SUCO: variants seen among roughly 807,000 people sequenced by gnomAD.
The protein encoded by SUCO is SUN domain-containing ossification factor.
A neutral mutation model predicts 148.1 loss-of-function variants in SUCO; 57 were observed. The observed-to-expected ratio is 0.38, with a 90% confidence interval of 0.31 to 0.48. The LOEUF is 0.48. SUCO is among the 20% of genes least tolerant of loss of function. The probability of loss-of-function intolerance (pLI) is 0.96; values close to 1 mark genes in which losing one functional copy is unlikely to be tolerated. For missense variants in SUCO, 1,331 were observed against 1,468.2 expected (o/e 0.91, Z 1.53); for synonymous variants, 470 against 502.7 (o/e 0.93, Z 0.87).
In SUCO at chr1:172,607,325, C is replaced by A. The variant is rs1034285808; in HGVS notation, c.3266-1422C>A. On this transcript the variant is annotated intron_variant, in intron 22 of 23. Coordinates refer to ENST00000263688, the MANE Select transcript of SUCO (RefSeq NM_014283.5). ...TTCATGTAATACCTTACATTCATGACTTGTGGTTTGTTGGGCCACCAGGTG... is the reference window on the plus strand; with the variant it reads ...TTCATGTAATACCTTACATTCATGAATTGTGGTTTGTTGGGCCACCAGGTG... 5.3e-5 allele frequency among the ~76,000 whole-genome samples: 8 copies of A among 151,842 alleles called. No individual in the cohort carries two copies. In the East Asian group the frequency reaches 1.5e-3, roughly 29 times the overall value.
intron 9 of SUCO, among the ~76,000 whole-genome samples, chr1:172,572,450 TG>T (rs1246119992): frequency 3.9e-5 from 6 of 151,950 alleles, no homozygotes; most frequent in Non-Finnish European, 8.8e-5. Context: ...CAGGGTTAAA[TG>T]GATTAAGGGT....
At chr1:172,550,043 C>T (rs769072032) in intron 1 of SUCO, among the ~76,000 whole-genome samples, 1 of 151,842 alleles carries the variant, frequency 6.6e-6, no homozygotes, top group Non-Finnish European at 1.5e-5. Flanking sequence ...GGCTGATTGC[C>T]CTCTATTCCT....
At chr1:172,534,692 T>C (rs1192630905) in intron 1 of SUCO, among the ~76,000 whole-genome samples, 2 of 152,200 alleles carry the variant, frequency 1.3e-5, no homozygotes, top group Non-Finnish European at 2.9e-5. Context: ...TTCTACTTAC[T>C]GTGTTGGGTA....
intron 16 of SUCO, 119 bp from the exon 17 acceptor site, chr1:172,585,739 C>A: frequency 4.7e-6 from 3 of 636,680 alleles, no homozygotes; most frequent in South Asian, 2.3e-5. Context: ...AAGAAAAAGT[C>A]TGCAGTAGCA....
Position 172,575,502 on chromosome 1 carries a change from T to C in SUCO, c.1158-16T>C. 1.3e-6 allele frequency: 2 copies of C among 1,538,544 alleles called. No homozygotes were observed. The highest frequency in any genetic ancestry group is 2.3e-5 in the South Asian group (2 of 88,178). On this transcript the variant is annotated splice_polypyrimidine_tract_variant and intron_variant, in intron 10 of 23. Coordinates refer to ENST00000263688, the MANE Select transcript of SUCO (RefSeq NM_014283.5). Reference sequence around the variant, plus strand: ...TTATAATTTTTAAAAAAGAACATATTGCTTATATTTTTTAGATATCCAACA... The same window carrying C: ...TTATAATTTTTAAAAAAGAACATATCGCTTATATTTTTTAGATATCCAACA...
chr1:172,535,287 A>T (rs1350011354), intron 1 of SUCO, among the ~76,000 whole-genome samples: 2 of 152,252 alleles, frequency 1.3e-5, no homozygotes, highest in African/African-American at 4.8e-5. Context: ...ACTTTAGCTT[A>T]AGAAACTATT....
intron 1 of SUCO, among the ~76,000 whole-genome samples, chr1:172,547,525 A>G (rs1321128766): frequency 1.3e-5 from 2 of 152,186 alleles, no homozygotes; most frequent in African/African-American, 4.8e-5. Context: ...CTGACTGAGA[A>G]TACCTAATCT....
intron 6 of SUCO, among the ~76,000 whole-genome samples, chr1:172,568,092 A>C (rs1398987679): frequency 1.3e-5 from 2 of 152,210 alleles, no homozygotes; most frequent in Non-Finnish European, 2.9e-5. Flanking sequence ...CCTTATGAGA[A>C]TCTAATGCCT....
At chr1:172,555,346 G>T in intron 3 of SUCO, 2 of 981,824 alleles carry the variant, frequency 2.0e-6, no homozygotes, top group Non-Finnish European at 1.2e-6. Flanking sequence ...ATATGAACAG[G>T]TGTTAGGTAG....
chr1:172,606,549 T>G (rs2149273591), intron 22 of SUCO, among the ~76,000 whole-genome samples: 1 of 151,942 alleles, frequency 6.6e-6, no homozygotes, highest in East Asian at 1.9e-4. Context: ...TTCTATTCTT[T>G]CTGCTTAATT....
intron 1 of SUCO, chr1:172,550,812 T>C (rs963814260): frequency 4.1e-5 from 26 of 631,528 alleles, no homozygotes; most frequent in Non-Finnish European, 4.7e-5. Flanking sequence ...TCAGATGTTT[T>C]TCAGTGGCTA....
At chr1:172,550,223 T>C (rs1265411338) in intron 1 of SUCO, among the ~76,000 whole-genome samples, 2 of 152,092 alleles carry the variant, frequency 1.3e-5, no homozygotes, top group East Asian at 1.9e-4. Context: ...AAAGTCTCCC[T>C]TTTTACCACC....
chr1:172,532,824 G>A (rs772723587), upstream of SUCO: 49 of 1,578,178 alleles, frequency 3.1e-5, no homozygotes, highest in East Asian at 7.8e-4. Context: ...GGGAAATGCT[G>A]AGGATCACTG....
At chr1:172,602,409 T>A (rs1030050733) in intron 21 of SUCO, 191 bp downstream of exon 21, 1 of 982,974 alleles carries the variant, frequency 1.0e-6, no homozygotes, top group Non-Finnish European at 1.2e-6. Flanking sequence ...TAGACTATAA[T>A]AGAGAAAACA....
intron 6 of SUCO, among the ~76,000 whole-genome samples, chr1:172,562,327 ATTTT>A (rs34871543): frequency 1.7e-3 from 231 of 137,698 alleles, no homozygotes; most frequent in Middle Eastern, 0.015. Flanking sequence ...GGGTTTTAAC[ATTTT>A]TTTTTTTTTT....
At chr1:172,540,238 G>T (rs904406432) in intron 1 of SUCO, among the ~76,000 whole-genome samples, 1 of 152,156 alleles carries the variant, frequency 6.6e-6, no homozygotes, top group South Asian at 2.1e-4. Context: ...CCGGTATGCT[G>T]TGCTGCCAGT....
intron 22 of SUCO, among the ~76,000 whole-genome samples, chr1:172,604,893 T>A (rs1204962903): frequency 6.6e-6 from 1 of 151,912 alleles, no homozygotes; most frequent in African/African-American, 2.4e-5. Context: ...ATTTTATTTA[T>A]GTACCTCATT....
At chr1:172,532,535 T>A, upstream of SUCO, 2 of 1,613,786 alleles carry the variant, frequency 1.2e-6, no homozygotes, top group Non-Finnish European at 1.7e-6. Flanking sequence ...AATGGGGCAG[T>A]CCATTGCCAC....
At chr1:172,556,544 A>G (rs1215182798) in intron 4 of SUCO, 3 of 937,326 alleles carry the variant, frequency 3.2e-6, no homozygotes, top group Non-Finnish European at 3.8e-6. Context: ...AACAAAACAA[A>G]ATGTCCTTCT....
Sources: allele counts gnomAD v4.1 joint callset (sites outside exome capture counted in the v4.1 genomes callset), GRCh38; gene constraint gnomAD v4.1.1; transcripts MANE v1.5; gene names NCBI Gene and HGNC (gene_info 2026-07-23, HGNC 2026-07-21).